Variants in PRKAG2 observed in about 807,000 individuals in gnomAD.
The protein encoded by PRKAG2 is 5'-AMP-activated protein kinase subunit gamma-2.
In PRKAG2, 26 loss-of-function variants were observed where a neutral mutation model predicts 69.6. The observed-to-expected ratio is 0.37, with a 90% CI of 0.27 to 0.52. PRKAG2 has a LOEUF of 0.52. PRKAG2 is among the 20% of genes least tolerant of loss of function. The pLI is 0.90. For synonymous variants in PRKAG2, 293 were observed against 285.0 expected, an observed-to-expected ratio of 1.03 and a Z score of -0.28; for missense variants, 557 against 740.0, an observed-to-expected ratio of 0.75 and a Z score of 2.87.
At chr7:151,851,347 A>G (rs2079563146) in intron 1 of PRKAG2, among the ~76,000 whole-genome samples, 1 of 145,192 alleles carries the variant, frequency 6.9e-6, no homozygotes, top group Non-Finnish European at 1.5e-5. Flanking sequence ...CTGGCAAAAA[A>G]AAAAAAGAAA....
At chr7:151,803,104 T>C (rs1348427174) in intron 1 of PRKAG2, among the ~76,000 whole-genome samples, 1 of 151,932 alleles carries the variant, frequency 6.6e-6, no homozygotes, top group Non-Finnish European at 1.5e-5. Flanking sequence ...ATTACAGGTA[T>C]GTACCACCAT....
intron 3 of PRKAG2, among the ~76,000 whole-genome samples, chr7:151,740,948 A>C (rs1212946699): frequency 6.6e-6 from 1 of 152,264 alleles, no homozygotes; most frequent in East Asian, 1.9e-4. Flanking sequence ...GCCCAAACTT[A>C]ACTGTGATTA....
At chr7:151,760,654 G>T (rs950104917) in intron 3 of PRKAG2, among the ~76,000 whole-genome samples, 2 of 152,076 alleles carry the variant, frequency 1.3e-5, no homozygotes, top group Non-Finnish European at 2.9e-5. Flanking sequence ...CTCCAGTGTG[G>T]TCTCCTTACC....
At chr7:151,575,830 T>TCAA (rs34796784) in intron 7 of PRKAG2, among the ~76,000 whole-genome samples, 74,512 of 139,982 alleles carry the variant, frequency 0.53, 20,274 homozygotes, top group Non-Finnish European at 0.61. Flanking sequence ...TAAAAGAAAT[T>TCAA]CAACAACAAC....
At chr7:151,563,841 T>C (rs575369726) in intron 14 of PRKAG2, among the ~76,000 whole-genome samples, 33 of 152,244 alleles carry the variant, frequency 2.2e-4, no homozygotes, top group Non-Finnish European at 4.6e-4. Context: ...TACCAGTTTA[T>C]TGGATTCACC....
chr7:151,683,605 G>A (rs1169066674), intron 3 of PRKAG2, among the ~76,000 whole-genome samples: 1 of 152,206 alleles, frequency 6.6e-6, no homozygotes, highest in East Asian at 1.9e-4. Context: ...CTGGAGGGAG[G>A]CTTTGCTTAT....
chr7:151,557,888 A>C (rs1282990694), intron 15 of PRKAG2: 19 of 977,264 alleles, frequency 1.9e-5, no homozygotes, highest in Middle Eastern at 5.2e-4. Context: ...AAAAAAAAAA[A>C]AACAAAAAAA....
chr7:151,823,111 G>A (rs2078829707), intron 1 of PRKAG2, among the ~76,000 whole-genome samples: 1 of 151,436 alleles, frequency 6.6e-6, no homozygotes, highest in African/African-American at 2.4e-5. Context: ...AGCAGCAGGG[G>A]CCAGGCCACA....
intron 1 of PRKAG2, among the ~76,000 whole-genome samples, chr7:151,833,670 A>G (rs932969573): frequency 1.3e-5 from 2 of 152,166 alleles, no homozygotes; most frequent in Non-Finnish European, 2.9e-5. Context: ...CAGTTGTTCC[A>G]GGGGTGGGGG....
intron 3 of PRKAG2, among the ~76,000 whole-genome samples, chr7:151,716,147 A>T (rs995767639): frequency 1.3e-5 from 2 of 152,134 alleles, no homozygotes; most frequent in Non-Finnish European, 2.9e-5. Context: ...CAAGTTTAAG[A>T]AGTTTAAACA....
intron 5 of PRKAG2, among the ~76,000 whole-genome samples, chr7:151,613,295 A>T (rs1171880437): frequency 1.3e-5 from 2 of 152,216 alleles, no homozygotes; most frequent in Admixed American, 1.3e-4. Context: ...GAGCATCCCA[A>T]ATCTGAAAAC....
At chr7:151,572,075 C>T (rs1309514642) in intron 9 of PRKAG2, among the ~76,000 whole-genome samples, 4 of 152,136 alleles carry the variant, frequency 2.6e-5, no homozygotes, top group East Asian at 3.8e-4. Context: ...TCATGAAATG[C>T]GAATTTAAGA....
Position 151,777,891 on chromosome 7 carries a change from T to G in PRKAG2, c.466+3261A>C, listed in dbSNP as rs1312300067. On this transcript the variant is annotated intron_variant, in intron 3 of 15. Transcript: ENST00000287878. This position sits in a 1 kb window ranked among gnomAD's most constrained non-coding sequence, Gnocchi z 4.3. ...GGGAGGGGCCTGAACCGGGCTAACA[T>G]GCAGGTGTAGTTTCTATGATCTCGT... 6.6e-6 allele frequency among the ~76,000 whole-genome samples: 1 copy of G among 152,170 alleles called. No individual in the cohort carries two copies. The highest frequency in any genetic ancestry group is 1.5e-5 in the Non-Finnish European group (1 of 68,026).
rs369872333 is a variant in PRKAG2, at chr7:151,731,256, C to T, written c.466+49896G>A. 2.4e-4 allele frequency among the ~76,000 whole-genome samples: 36 copies of T among 152,344 alleles called. No individual in the cohort carries two copies. The East Asian group carries it at 3.9e-3, about 16-fold the overall frequency. ...TTAGCCAAGCTCGTCACTTGTCTAG[C>T]GCCTGGAGCCTGAAAGCTGGAGAGG... On this transcript the variant is annotated intron_variant, in intron 3 of 15. Coordinates refer to ENST00000287878, the MANE Select transcript of PRKAG2 (RefSeq NM_016203.4).
chr7:151,604,381 A>G (rs1816969816), intron 5 of PRKAG2, among the ~76,000 whole-genome samples: 1 of 152,234 alleles, frequency 6.6e-6, no homozygotes, highest in African/African-American at 2.4e-5. Flanking sequence ...TCCCACCTGT[A>G]ATTCCAGCAC....
chr7:151,842,070 G>A (rs1358355879), intron 1 of PRKAG2, among the ~76,000 whole-genome samples: 2 of 140,790 alleles, frequency 1.4e-5, no homozygotes, highest in African/African-American at 5.5e-5. Flanking sequence ...GGTAGTGATG[G>A]TAGGTAGTGA....
chr7:151,646,721 G>C (rs893186090), intron 4 of PRKAG2, among the ~76,000 whole-genome samples: 1 of 152,090 alleles, frequency 6.6e-6, no homozygotes, highest in African/African-American at 2.4e-5. Flanking sequence ...TATCATTTTA[G>C]TTATTCCTTG....
intron 1 of PRKAG2, among the ~76,000 whole-genome samples, chr7:151,870,793 A>G (rs1001767791): frequency 1.3e-5 from 2 of 152,226 alleles, no homozygotes; most frequent in African/African-American, 4.8e-5. Flanking sequence ...GCTTCCCTTG[A>G]GGCCACGCGG....
At chr7:151,560,272 C>A in intron 15 of PRKAG2, 1 of 1,383,344 alleles carries the variant, frequency 7.2e-7, no homozygotes, top group South Asian at 1.4e-5. Flanking sequence ...CAATGGCTCC[C>A]AAGTCATTTA....
Sources: gnomAD v4.1 joint callset for allele counts (sites outside exome capture counted in the v4.1 genomes callset) on GRCh38, gnomAD v4.1.1 for gene constraint, Gnocchi (gnomAD v3.1) non-coding constraint, MANE v1.5 for transcripts, NCBI Gene and HGNC (gene_info 2026-07-23, HGNC 2026-07-21) for gene names.